The following MBD5 variants were observed in gnomAD, a reference collection of about 807,000 sequenced individuals.
MBD5 encodes the protein methyl-CpG-binding domain protein 5.
Under a neutral mutation model 117.3 loss-of-function variants are expected in MBD5, and 13 were observed. That is an observed-to-expected ratio of 0.11 (90% confidence interval 0.07 to 0.18). The LOEUF (loss-of-function observed/expected upper bound fraction) is 0.18. Among genes scored for constraint, MBD5 ranks in the 10% least tolerant of loss-of-function variants. The probability of loss-of-function intolerance (pLI) is 1.00; values close to 1 mark genes in which losing one functional copy is unlikely to be tolerated. For missense variants in MBD5, 1,879 were observed against 2,093.8 expected (o/e 0.90, Z 2.00); for synonymous variants, 727 against 766.4 (o/e 0.95, Z 0.85).
intron 4 of MBD5, among the ~76,000 whole-genome samples, chr2:148,443,312 A>AC (rs1706385705): frequency 1.3e-5 from 2 of 151,278 alleles, no homozygotes; most frequent in Non-Finnish European, 2.9e-5. Context: ...GTAAATTGGG[A>AC]ATGTAAAGAG....
At chr2:148,030,057 G>A (rs1010853609) in intron 1 of MBD5, among the ~76,000 whole-genome samples, 19 of 152,256 alleles carry the variant, frequency 1.2e-4, no homozygotes, top group African/African-American at 3.6e-4. Flanking sequence ...GATTGCTTGA[G>A]GTCAGGAGTT....
intron 4 of MBD5, among the ~76,000 whole-genome samples, chr2:148,385,584 A>G (rs1173011481): frequency 2.0e-5 from 3 of 152,100 alleles, no homozygotes; most frequent in African/African-American, 7.2e-5. Context: ...TAGAAATACC[A>G]TTTGACCCAG....
intron 11 of MBD5, among the ~76,000 whole-genome samples, chr2:148,498,370 T>G (rs1272873180): frequency 2.6e-5 from 4 of 152,260 alleles, no homozygotes; most frequent in African/African-American, 4.8e-5. Context: ...TTTTTGTTTG[T>G]TTGGTTTTTG....
intron 4 of MBD5, among the ~76,000 whole-genome samples, chr2:148,385,761 C>G (rs1704334638): frequency 7.6e-6 from 1 of 131,618 alleles, no homozygotes; most frequent in Non-Finnish European, 1.6e-5. Flanking sequence ...ACATATACAC[C>G]ATGGAATACT....
At chr2:148,478,045 GA>G (rs1681027724) in intron 8 of MBD5, among the ~76,000 whole-genome samples, 1 of 152,054 alleles carries the variant, frequency 6.6e-6, no homozygotes, top group Admixed American at 6.6e-5. Context: ...TAATATTTAA[GA>G]GACAGCCATA....
chr2:148,247,073 T>A (rs1034859685), intron 3 of MBD5, among the ~76,000 whole-genome samples: 3 of 152,190 alleles, frequency 2.0e-5, no homozygotes, highest in African/African-American at 4.8e-5. Context: ...AAGCTTTTTT[T>A]AAATTGTCTA....
At chr2:148,246,115 A>T (rs1442836667) in intron 3 of MBD5, among the ~76,000 whole-genome samples, 1 of 152,186 alleles carries the variant, frequency 6.6e-6, no homozygotes, top group East Asian at 1.9e-4. Context: ...CTACATATAG[A>T]TTATAGTTAG....
intron 1 of MBD5, among the ~76,000 whole-genome samples, chr2:148,116,928 C>A (rs187229185): frequency 6.6e-6 from 1 of 152,280 alleles, no homozygotes; most frequent in Admixed American, 6.5e-5. Flanking sequence ...GTTTTAACTA[C>A]TGATTAAGTG....
At chr2:148,327,803 C>T (rs1272862572) in intron 3 of MBD5, among the ~76,000 whole-genome samples, 6 of 152,182 alleles carry the variant, frequency 3.9e-5, no homozygotes, top group African/African-American at 9.7e-5. Flanking sequence ...TTCCATAGCT[C>T]GGAGTAATTT....
At chr2:148,145,091 T>C (rs1428945261) in intron 1 of MBD5, among the ~76,000 whole-genome samples, 1 of 152,216 alleles carries the variant, frequency 6.6e-6, no homozygotes, top group Non-Finnish European at 1.5e-5. Context: ...CATGGAATGT[T>C]CTTCCATTTG....
At chr2:148,484,423 C>T (rs1229841330) in intron 9 of MBD5, among the ~76,000 whole-genome samples, 1 of 152,092 alleles carries the variant, frequency 6.6e-6, no homozygotes, top group African/African-American at 2.4e-5. Flanking sequence ...ACCTCTTAAA[C>T]CAAGTAGAGT....
intron 4 of MBD5, among the ~76,000 whole-genome samples, chr2:148,410,062 G>C (rs1220827387): frequency 6.6e-6 from 1 of 152,060 alleles, no homozygotes; most frequent in African/African-American, 2.4e-5. Flanking sequence ...TGGTGAAGAA[G>C]AACAATTGTT....
chr2:148,037,276 T>G (rs1694221879), intron 1 of MBD5, among the ~76,000 whole-genome samples: 1 of 151,970 alleles, frequency 6.6e-6, no homozygotes, highest in Non-Finnish European at 1.5e-5. Flanking sequence ...ATTTTTCATA[T>G]GAAATAATGC....
chr2:148,105,180 G>A (rs1574018842), intron 1 of MBD5, among the ~76,000 whole-genome samples: 1 of 150,254 alleles, frequency 6.7e-6, no homozygotes, highest in South Asian at 2.1e-4. Flanking sequence ...TTTAATGTCT[G>A]CAGCATCTAT....
intron 3 of MBD5, among the ~76,000 whole-genome samples, chr2:148,336,485 C>T (rs1702792447): frequency 6.6e-6 from 1 of 152,154 alleles, no homozygotes; most frequent in Non-Finnish European, 1.5e-5. Context: ...CTCCTGGGCT[C>T]AAACCATCCT....
intron 2 of MBD5, among the ~76,000 whole-genome samples, chr2:148,231,080 C>G (rs771253832): frequency 1.3e-4 from 20 of 152,160 alleles, no homozygotes; most frequent in Non-Finnish European, 2.6e-4. Flanking sequence ...TACCCCCCTC[C>G]TCCAGTCCAC....
chr2:148,299,563 A>AAGG (rs1475881118), intron 3 of MBD5, among the ~76,000 whole-genome samples: 1 of 152,214 alleles, frequency 6.6e-6, no homozygotes, highest in East Asian at 1.9e-4. Context: ...GAGAAAAATG[A>AAGG]AGGACCGACC....
At chr2:148,335,370 G>GA (rs1055439407) in intron 3 of MBD5, among the ~76,000 whole-genome samples, 44 of 152,078 alleles carry the variant, frequency 2.9e-4, no homozygotes, top group African/African-American at 1.0e-3. Context: ...AACAGAGCAA[G>GA]ACCCTGTCTC....
At chr2:148,153,760 G>T (rs1382635974) in intron 1 of MBD5, among the ~76,000 whole-genome samples, 2 of 144,598 alleles carry the variant, frequency 1.4e-5, no homozygotes, top group African/African-American at 5.1e-5. Context: ...CATTCTTCCC[G>T]TAGTTCTCGA....
Sources: allele counts gnomAD v4.1 joint callset (sites outside exome capture counted in the v4.1 genomes callset), GRCh38; gene constraint gnomAD v4.1.1; transcripts MANE v1.5; gene names NCBI Gene and HGNC (gene_info 2026-07-23, HGNC 2026-07-21).